Variants in ERO1A observed in about 807,000 individuals in gnomAD.
ERO1A encodes the protein ERO1-like protein alpha.
In ERO1A, 49 loss-of-function variants were observed where a neutral mutation model predicts 76.9. The observed-to-expected ratio is 0.64, with a 90% CI of 0.51 to 0.81. ERO1A has a LOEUF of 0.81. Ranked by LOEUF, ERO1A falls within the 30% of genes least tolerant of loss-of-function variation. ERO1A has a pLI of 0.00. For synonymous variants in ERO1A, 174 were observed against 181.2 expected (o/e 0.96, Z 0.32); for missense variants, 448 against 542.1 (o/e 0.83, Z 1.72).
At chr14:52,658,371 T>A in intron 9 of ERO1A, 2 of 471,682 alleles carry the variant, frequency 4.2e-6, no homozygotes, top group Non-Finnish European at 7.6e-6. Context: ...GGCTTTAGCA[T>A]TGCCTTAGGT....
At chr14:52,661,342 CT>C in intron 8 of ERO1A, 38 bp from the exon 9 acceptor site, 1 of 1,417,354 alleles carries the variant, frequency 7.1e-7, no homozygotes, top group Non-Finnish European at 9.4e-7. Context: ...AAATAAATTC[CT>C]TCCAGTGCCC....
intron 6 of ERO1A, among the ~76,000 whole-genome samples, chr14:52,670,786 T>A (rs7151815): frequency 6.6e-6 from 1 of 152,198 alleles, no homozygotes; most frequent in African/African-American, 2.4e-5. Context: ...ACAAGCTACA[T>A]AGAACTGCAA....
intron 1 of ERO1A, 52 bp from the exon 2 acceptor site, chr14:52,683,959 G>A (rs201016114): frequency 2.8e-6 from 4 of 1,447,526 alleles, no homozygotes; most frequent in South Asian, 1.5e-5. Flanking sequence ...ATGCAACAGG[G>A]TTCTTTTTCC....
chr14:52,642,791 G>T lies in ERO1A; in HGVS notation c.*779C>A, dbSNP rs576698111. ...AAAAGTGTTCCCCAAATTTTATTTAGTATTAGTGAAAGTATTATGAGAATA... is the reference window on the plus strand; with the variant it reads ...AAAAGTGTTCCCCAAATTTTATTTATTATTAGTGAAAGTATTATGAGAATA... On this transcript the variant is annotated 3_prime_UTR_variant, in exon 16 of 16. Transcript: ENST00000395686. 1.3e-3 allele frequency: 200 copies of T among 152,576 alleles called. No homozygotes were observed. Among genetic ancestry groups the T allele is most frequent in the African/African-American group, 4.6e-3 (191 of 41,518 alleles). The allele number at this position is 152,576 out of a possible 1,614,324, so 9.5% of individuals were successfully genotyped here. A position where few individuals can be genotyped will look rare whatever the true frequency, so the allele number is the denominator to read the frequency against.
chr14:52,654,938 T>C (rs983262930), intron 11 of ERO1A, among the ~76,000 whole-genome samples: 3 of 152,202 alleles, frequency 2.0e-5, no homozygotes, highest in South Asian at 2.1e-4. Flanking sequence ...CATTCAAAAA[T>C]TGGTTTTAAC....
intron 1 of ERO1A, among the ~76,000 whole-genome samples, chr14:52,691,460 A>G (rs868143983): frequency 1.6e-4 from 24 of 152,206 alleles, no homozygotes; most frequent in African/African-American, 5.6e-4. Flanking sequence ...GAGTCAGTGG[A>G]CACCTCTCCA....
chr14:52,680,011 G>C lies in ERO1A; in HGVS notation c.319-1539C>G, dbSNP rs113257408. ...GGAGGCAGAGGTTGCAGTGAGCCAA[G>C]ATCATGCCACTGCACTCCAGCCTGG... is the stretch of plus-strand genomic sequence containing the variant. On this transcript the variant is annotated intron_variant, in intron 3 of 15. Transcript: ENST00000395686. 2.1e-5 allele frequency among the ~76,000 whole-genome samples: 3 copies of C among 143,000 alleles called. No individual in the cohort carries two copies. In the South Asian group the frequency reaches 6.5e-4, roughly 31 times the overall value. 93.8% of individuals were successfully genotyped at this position (143,000 alleles called of 152,430 possible).
intron 3 of ERO1A, among the ~76,000 whole-genome samples, chr14:52,679,238 A>G (rs569102192): frequency 5.3e-5 from 8 of 152,266 alleles, no homozygotes; most frequent in African/African-American, 1.9e-4. Context: ...AAAATGGACT[A>G]ACACATTTAT....
intron 15 of ERO1A, 72 bp downstream of exon 15, chr14:52,646,082 T>C (rs2039644070): frequency 6.7e-7 from 1 of 1,490,010 alleles, no homozygotes; most frequent in African/African-American, 1.4e-5. Context: ...CTTACCCAGT[T>C]TTTTCTGAGA....
At chr14:52,658,174 C>A in intron 9 of ERO1A, 24 bp from the exon 10 acceptor site, 2 of 1,465,170 alleles carry the variant, frequency 1.4e-6, no homozygotes, top group South Asian at 2.5e-5. Context: ...AAAAATAAGT[C>A]ATAAGAATAG....
At chr14:52,648,026 G>C (rs533701853) in intron 13 of ERO1A, among the ~76,000 whole-genome samples, 2 of 152,260 alleles carry the variant, frequency 1.3e-5, no homozygotes, top group South Asian at 4.1e-4. Flanking sequence ...GCTTTATTCA[G>C]TTTGTGACTT....
chr14:52,694,205 C>T (rs781107506), intron 1 of ERO1A, among the ~76,000 whole-genome samples: 8 of 151,672 alleles, frequency 5.3e-5, no homozygotes, highest in Non-Finnish European at 4.4e-5. Flanking sequence ...TATTTCTAAT[C>T]AGAAGAAAAA....
intron 13 of ERO1A, among the ~76,000 whole-genome samples, chr14:52,651,111 A>C (rs2039850519): frequency 6.6e-6 from 1 of 150,672 alleles, no homozygotes; most frequent in Non-Finnish European, 1.5e-5. Context: ...TCTACCAAAA[A>C]AAAAAAAAAA....
chr14:52,665,380 A>G (rs2040379403), intron 7 of ERO1A, among the ~76,000 whole-genome samples: 1 of 151,988 alleles, frequency 6.6e-6, no homozygotes. Context: ...TAATTTAAAT[A>G]AAATACATGG....
chr14:52,651,622 G>C (rs1201438563), intron 13 of ERO1A, among the ~76,000 whole-genome samples: 1 of 152,082 alleles, frequency 6.6e-6, no homozygotes, highest in Non-Finnish European at 1.5e-5. Context: ...ATTTCAAGAT[G>C]TATATCAAGA....
rs1566632311 is a variant in ERO1A at position 52,642,650 on chromosome 14, G to A, written c.*920C>T. The A allele has an allele frequency of 6.6e-6, 1 of 152,506 alleles. No individual in the cohort carries two copies. Among genetic ancestry groups the A allele is most frequent in the Non-Finnish European group, 1.5e-5 (1 of 68,028 alleles). The allele number at this position is 152,506 out of a possible 1,614,324, so 9.4% of individuals were successfully genotyped here. ...AGGAAAAATTTGTGTGTGTGTGTGTGTGTACAGAGAAAGCATGAAAGATAA... is the reference window on the plus strand; with the variant it reads ...AGGAAAAATTTGTGTGTGTGTGTGTATGTACAGAGAAAGCATGAAAGATAA... On this transcript the variant is annotated 3_prime_UTR_variant, in exon 16 of 16. Transcript: ENST00000395686.
At chr14:52,693,001 ACTTT>A (rs1402082841) in intron 1 of ERO1A, among the ~76,000 whole-genome samples, 1 of 125,140 alleles carries the variant, frequency 8.0e-6, no homozygotes, top group Non-Finnish European at 1.6e-5. Context: ...TAAATAGACA[ACTTT>A]TTTTTTTTTT....
At chr14:52,648,814 T>C (rs2039757848) in intron 13 of ERO1A, among the ~76,000 whole-genome samples, 1 of 152,302 alleles carries the variant, frequency 6.6e-6, no homozygotes, top group South Asian at 2.1e-4. Context: ...TTGTATGACA[T>C]GTACAGAGAG....
intron 1 of ERO1A, among the ~76,000 whole-genome samples, chr14:52,687,308 C>T (rs572028142): frequency 1.3e-5 from 2 of 152,084 alleles, no homozygotes; most frequent in South Asian, 4.2e-4. Context: ...CATACGCCTG[C>T]AGTCCCCGCT....
Sources: allele counts gnomAD v4.1 joint callset (sites outside exome capture counted in the v4.1 genomes callset), GRCh38; gene constraint gnomAD v4.1.1; transcripts MANE v1.5; gene names NCBI Gene and HGNC (gene_info 2026-07-23, HGNC 2026-07-21).